Variants in RANBP2 observed in about 807,000 individuals in gnomAD.
RANBP2 encodes E3 SUMO-protein ligase RanBP2.
In RANBP2, 57 loss-of-function variants were observed where a neutral mutation model predicts 303.6. That is an observed-to-expected ratio of 0.19 (90% CI 0.15 to 0.23). RANBP2 has a LOEUF of 0.23. Among genes scored for constraint, RANBP2 ranks in the 10% least tolerant of loss-of-function variants. The pLI is 1.00. For missense variants in RANBP2, 3,138 were observed against 3,780.8 expected, an observed-to-expected ratio of 0.83 and a Z score of 4.46; for synonymous variants, 1,167 against 1,301.5, an observed-to-expected ratio of 0.90 and a Z score of 2.23.
At chr2:109,124,540 A>T in the RANBP2 span, 1 of 152,104 alleles carries the variant, frequency 6.6e-6, no homozygotes, top group African/African-American at 2.4e-5. Flanking sequence ...CGAACTCCTG[A>T]CCTCAGGTGA....
At chr2:109,461,069 C>G in the RANBP2 span, among the ~76,000 whole-genome samples, 1 of 152,236 alleles carries the variant, frequency 6.6e-6, no homozygotes, top group Non-Finnish European at 1.5e-5. Context: ...GGCAGCATAG[C>G]AGGAGTGGTG....
At chr2:109,640,644 C>T in the RANBP2 span, among the ~76,000 whole-genome samples, 1 of 152,234 alleles carries the variant, frequency 6.6e-6, no homozygotes, top group East Asian at 1.9e-4. Context: ...CAGCAGGGTC[C>T]ACTGTTCTCA....
the RANBP2 span, among the ~76,000 whole-genome samples, chr2:109,454,602 C>T: frequency 1.3e-5 from 2 of 152,166 alleles, no homozygotes; most frequent in Non-Finnish European, 2.9e-5. Flanking sequence ...CCATGAGTTC[C>T]ACAGCAGCAT....
chr2:109,577,483 TCAGGAGGCTGAGG>T, the RANBP2 span, among the ~76,000 whole-genome samples: 3 of 150,992 alleles, frequency 2.0e-5, no homozygotes, highest in Admixed American at 2.0e-4. Flanking sequence ...TCCCAGGTAC[TCAGGAGGCTGAGG>T]CAGGAGAACT....
At chr2:109,037,752 A>G in the RANBP2 span, among the ~76,000 whole-genome samples, 1,036 of 152,354 alleles carry the variant, frequency 6.8e-3, 5 homozygotes, top group East Asian at 0.035. Flanking sequence ...ATAACAAAAT[A>G]TGTACAACAT....
At chr2:109,704,399 C>T in the RANBP2 span, among the ~76,000 whole-genome samples, 12 of 152,036 alleles carry the variant, frequency 7.9e-5, no homozygotes, top group Admixed American at 6.5e-4. Context: ...CATTTAAAAA[C>T]CTTAGCTGGG....
the RANBP2 span, among the ~76,000 whole-genome samples, chr2:109,163,659 A>C: frequency 5.9e-5 from 9 of 151,982 alleles, no homozygotes; most frequent in Non-Finnish European, 1.2e-4. Context: ...TCGGCCTCCC[A>C]AAGTGCTGGG....
the RANBP2 span, among the ~76,000 whole-genome samples, chr2:109,323,322 A>T: frequency 6.6e-6 from 1 of 152,220 alleles, no homozygotes; most frequent in Non-Finnish European, 1.5e-5. Context: ...GACACAGAGG[A>T]AGACAAACTG....
At chr2:108,813,049 AC>A in the RANBP2 span, 1 of 707,368 alleles carries the variant, frequency 1.4e-6, no homozygotes, top group Non-Finnish European at 2.3e-6. Context: ...GGAGATCGAG[AC>A]CATCCTGGCC....
chr2:109,667,389 G>C, the RANBP2 span: 5 of 447,718 alleles, frequency 1.1e-5, no homozygotes, highest in African/African-American at 4.1e-5. Context: ...TGATCAGGAG[G>C]GGATGAGACC....
chr2:109,315,177 T>C, the RANBP2 span, among the ~76,000 whole-genome samples: 12 of 152,302 alleles, frequency 7.9e-5, no homozygotes, highest in East Asian at 2.3e-3. Flanking sequence ...TCTTATTTGA[T>C]GACTTTTCTC....
At chr2:109,173,601 C>A in the RANBP2 span, among the ~76,000 whole-genome samples, 1 of 152,198 alleles carries the variant, frequency 6.6e-6, no homozygotes, top group Non-Finnish European at 1.5e-5. Context: ...ACCCCGCAGC[C>A]TGCAGTGGTT....
chr2:108,850,405 T>A, the RANBP2 span, among the ~76,000 whole-genome samples: 1 of 152,154 alleles, frequency 6.6e-6, no homozygotes, highest in Admixed American at 6.6e-5. Flanking sequence ...AATAGACTGT[T>A]CATATAAGAA....
At chr2:109,496,203 TGGTGCATTTTACA>T in the RANBP2 span, among the ~76,000 whole-genome samples, 2 of 152,232 alleles carry the variant, frequency 1.3e-5, no homozygotes, top group African/African-American at 4.8e-5. Flanking sequence ...GAGTGCGGAT[TGGTGCATTTTACA>T]GAGTGCTGAT....
the RANBP2 span, among the ~76,000 whole-genome samples, chr2:108,862,062 C>G: frequency 2.2e-5 from 3 of 135,676 alleles, no homozygotes; most frequent in South Asian, 7.2e-4. Context: ...CAAGAGGATT[C>G]TTGGTATGAT....
At chr2:109,581,570 G>A in the RANBP2 span, among the ~76,000 whole-genome samples, 2 of 151,598 alleles carry the variant, frequency 1.3e-5, no homozygotes, top group African/African-American at 4.8e-5. Flanking sequence ...TCCTCTGGGG[G>A]AAGAAATGGG....
the RANBP2 span, among the ~76,000 whole-genome samples, chr2:109,136,985 GAT>G: frequency 6.6e-6 from 1 of 152,216 alleles, no homozygotes; most frequent in Non-Finnish European, 1.5e-5. Context: ...TCACTGCACA[GAT>G]ATTTAAGTAC....
At chr2:108,759,358 T>C (rs184101637) in intron 18 of RANBP2, among the ~76,000 whole-genome samples, 1,862 of 152,176 alleles carry the variant, frequency 0.012, 46 homozygotes, top group African/African-American at 0.043. Flanking sequence ...TTGATAGAGC[T>C]GAGATTCACA....
At chr2:109,011,133 T>G in the RANBP2 span, among the ~76,000 whole-genome samples, 1 of 152,204 alleles carries the variant, frequency 6.6e-6, no homozygotes, top group African/African-American at 2.4e-5. Context: ...TCAGATGAGT[T>G]CTTTTGCCTT....
Sources: gnomAD v4.1 joint callset for allele counts (sites outside exome capture counted in the v4.1 genomes callset) on GRCh38, gnomAD v4.1.1 for gene constraint, MANE v1.5 for transcripts, NCBI Gene and HGNC (gene_info 2026-07-23, HGNC 2026-07-21) for gene names.